The following FHDC1 variants were observed in gnomAD, a reference collection of about 807,000 sequenced individuals.
FHDC1 encodes FH2 domain containing 1, also known as FH2 domain-containing protein 1.
Under a neutral mutation model 52.6 loss-of-function variants are expected in FHDC1, and 25 were observed. The observed-to-expected ratio is 0.48, with a 90% CI of 0.35 to 0.66. FHDC1 has a LOEUF of 0.66. Among genes scored for constraint, FHDC1 ranks in the 30% least tolerant of loss-of-function variants. The pLI is 0.01. For missense variants in FHDC1, 1,459 were observed against 1,452.8 expected, an observed-to-expected ratio of 1.00 and a Z score of -0.07; for synonymous variants, 616 against 581.5, an observed-to-expected ratio of 1.06 and a Z score of -0.85.
intron 4 of FHDC1, among the ~76,000 whole-genome samples, chr4:152,958,585 A>G (rs1740181286): frequency 6.6e-6 from 1 of 152,158 alleles, no homozygotes; most frequent in South Asian, 2.1e-4. Context: ...ACATTTACCG[A>G]GTTTACTTAG....
chr4:152,926,291 CACACACACACACAA>C, the FHDC1 span, among the ~76,000 whole-genome samples: 1 of 151,178 alleles, frequency 6.6e-6, no homozygotes, highest in Non-Finnish European at 1.5e-5. Context: ...CACACACACA[CACACACACACACAA>C]ACAATACACA....
chr4:152,943,249 T>G lies in FHDC1; in HGVS notation c.192T>G (p.Pro64=), dbSNP rs761871055. 1 of 1,004,182 alleles carries G rather than the reference T, an allele frequency of 1.0e-6. No individual in the cohort carries two copies. The highest frequency in any genetic ancestry group is 1.3e-6 in the Non-Finnish European group (1 of 777,130). 62.2% of individuals were successfully genotyped at this position (1,004,182 alleles called of 1,614,324 possible). ...CCTCCCCTCCTCCACCCCCACCACC[T>G]CCACTTCCTGGGGAGCCTCCCATCC... is the stretch of plus-strand genomic sequence containing the variant. The part of the protein sequence containing the change: ...CPSSPPPPPP[P]PLPGEPPIPP... The change falls in exon 2 of 12, where the codon CCT becomes CCG. Residue 64 remains proline, a synonymous_variant. Transcript: ENST00000511601.
chr4:152,927,895 G>T, the FHDC1 span: 1 of 1,377,182 alleles, frequency 7.3e-7, no homozygotes, highest in Non-Finnish European at 1.0e-6. Flanking sequence ...TCTCCCAGGT[G>T]AAGCTGTTGG....
At chr4:152,951,454 C>A (rs1040576353) in intron 2 of FHDC1, among the ~76,000 whole-genome samples, 14 of 151,958 alleles carry the variant, frequency 9.2e-5, no homozygotes, top group African/African-American at 3.4e-4. Flanking sequence ...GAGTTTTTAC[C>A]TTATGGCTGG....
At chr4:152,922,060 A>G in the FHDC1 span, among the ~76,000 whole-genome samples, 1 of 152,220 alleles carries the variant, frequency 6.6e-6, no homozygotes, top group Non-Finnish European at 1.5e-5. Flanking sequence ...AAAATTAGTG[A>G]ACCCAGGAGC....
At chr4:152,967,262 C>A (rs1204266932) in intron 9 of FHDC1, among the ~76,000 whole-genome samples, 1 of 152,124 alleles carries the variant, frequency 6.6e-6, no homozygotes, top group African/African-American at 2.4e-5. Context: ...CCCGTCTCCA[C>A]TAAAAATACA....
At chr4:152,961,655 A>G (rs1740286264) in intron 6 of FHDC1, among the ~76,000 whole-genome samples, 1 of 151,376 alleles carries the variant, frequency 6.6e-6, no homozygotes, top group Admixed American at 6.6e-5. Flanking sequence ...CCTTTTGGTC[A>G]TTTTCTGGAT....
Position 152,942,956 on chromosome 4 carries a change from C to A in FHDC1, c.-102C>A. ...TGGAAGAGGACAGTTGCCCTTTATT[C>A]TGGCGGCAGATAGCAGCAGGTGAAA... On this transcript the variant is annotated 5_prime_UTR_variant, in exon 2 of 12. It adds an upstream start codon to the 5' untranslated region. Coordinates refer to ENST00000511601, the MANE Select transcript of FHDC1 (RefSeq NM_001371116.1). The A allele has an allele frequency of 7.6e-7, 1 of 1,307,350 alleles. No homozygotes were observed. Among genetic ancestry groups the A allele is most frequent in the Non-Finnish European group, 1.1e-6 (1 of 944,738 alleles). 81.0% of individuals were successfully genotyped at this position (1,307,350 alleles called of 1,614,324 possible).
upstream of FHDC1, among the ~76,000 whole-genome samples, chr4:152,933,912 T>C (rs2149929958): frequency 6.6e-6 from 1 of 152,120 alleles, no homozygotes; most frequent in African/African-American, 2.4e-5. Context: ...GCAGAAGGTT[T>C]TGAAGAGGTA....
chr4:152,931,273 A>G, the FHDC1 span, among the ~76,000 whole-genome samples: 1 of 152,062 alleles, frequency 6.6e-6, no homozygotes, highest in African/African-American at 2.4e-5. Flanking sequence ...TTTTACAGCT[A>G]TTTTTCTCCT....
intron 11 of FHDC1, 40 bp from the exon 12 acceptor site, chr4:152,974,635 A>G: frequency 6.7e-7 from 1 of 1,501,906 alleles, no homozygotes; most frequent in Non-Finnish European, 8.9e-7. Context: ...CATTGGTCCC[A>G]CATGTCTCAT....
chr4:152,971,730 CA>C (rs1740643657), intron 10 of FHDC1, among the ~76,000 whole-genome samples: 1 of 152,192 alleles, frequency 6.6e-6, no homozygotes. Context: ...GTGGTGCTTT[CA>C]GAAAATATTA....
At position 152,976,157 on chromosome 4, in the gene FHDC1, A is replaced by G; in HGVS notation, c.2866A>G (p.Arg956Gly). 6.2e-7 allele frequency: 1 copy of G among 1,612,056 alleles called. No individual in the cohort carries two copies. Among genetic ancestry groups the G allele is most frequent in the Non-Finnish European group, 8.5e-7 (1 of 1,179,512 alleles). ...RRASTGAEEQ[R>G]LPRGSSGSSS... ...GGCCTCCACAGGCGCCGAAGAGCAG[A>G]GGCTGCCGCGGGGGAGCAGCGGCTC... The change falls in exon 12 of 12, where the codon AGG becomes GGG. Residue 956 changes from arginine to glycine, a missense_variant. This residue lies in a region of FHDC1 where 939 missense variants were observed against 854.5 expected (regional missense o/e 1.10). Coordinates refer to ENST00000511601, the MANE Select transcript of FHDC1 (RefSeq NM_001371116.1).
intron 6 of FHDC1, among the ~76,000 whole-genome samples, chr4:152,961,056 C>A (rs1740264952): frequency 6.6e-6 from 1 of 152,226 alleles, no homozygotes; most frequent in African/African-American, 2.4e-5. Context: ...TACCCTCCCA[C>A]AGAAGGGAAT....
chr4:152,947,595 C>T (rs573819239), intron 2 of FHDC1, among the ~76,000 whole-genome samples: 1 of 152,122 alleles, frequency 6.6e-6, no homozygotes, highest in Non-Finnish European at 1.5e-5. Context: ...CATTTGGTAT[C>T]CTCTAAAGGA....
At chr4:152,932,470 C>T (rs62320599), upstream of FHDC1, among the ~76,000 whole-genome samples, 3,875 of 151,728 alleles carry the variant, frequency 0.026, 73 homozygotes, top group South Asian at 0.073. Context: ...TTTATAGTAA[C>T]AGTAACAATT....
chr4:152,948,507 G>A (rs1418223860), intron 2 of FHDC1, among the ~76,000 whole-genome samples: 2 of 152,168 alleles, frequency 1.3e-5, no homozygotes, highest in African/African-American at 4.8e-5. Context: ...AGGCTGGAGT[G>A]CAGTGGCATG....
At position 152,978,970 on chromosome 4, in the gene FHDC1, T is replaced by C. The variant is rs181058312; in HGVS notation, c.*2247T>C. ...TTGCTTATGGGAATCCTGAGCTGCT[T>C]TTCACCATCTCAAGAAGCCTAAGAA... On this transcript the variant is annotated 3_prime_UTR_variant, in exon 12 of 12. Transcript: ENST00000511601. 8 of 152,320 alleles carry C rather than the reference T, an allele frequency of 5.3e-5. No individual in the cohort carries two copies. The East Asian group carries it at 1.5e-3, about 29-fold the overall frequency. The allele number at this position is 152,320 out of a possible 1,614,324, so 9.4% of individuals were successfully genotyped here.
In FHDC1 at chr4:152,974,937, G is replaced by C. The variant is rs374113088; in HGVS notation, c.1646G>C (p.Arg549Pro). ...SRLSLGPSAD[R>P]ELLTFLESST... ...CTCTCCCTGGGTCCCTCTGCTGACC[G>C]GGAGCTGCTGACCTTCTTGGAGAGC... Residue 549 changes from arginine to proline, a missense_variant, in exon 12 of 12, where the codon CGG becomes CCG. Around this residue, in one of 3 missense-constraint regions of FHDC1, gnomAD observed 939 missense variants for 854.5 expected, o/e 1.10. Coordinates refer to ENST00000511601, the MANE Select transcript of FHDC1 (RefSeq NM_001371116.1). 6.2e-7 allele frequency: 1 copy of C among 1,612,338 alleles called. No homozygotes were observed. The highest frequency in any genetic ancestry group is 1.7e-5 in the Admixed American group (1 of 60,000).
Sources: allele counts gnomAD v4.1 joint callset (sites outside exome capture counted in the v4.1 genomes callset), GRCh38; gene constraint gnomAD v4.1.1; regional missense constraint gnomAD v4.1.1; transcripts MANE v1.5; gene names NCBI Gene and HGNC (gene_info 2026-07-23, HGNC 2026-07-21).